Variants in FRMD6 observed in about 807,000 individuals in gnomAD.
The protein encoded by FRMD6 is FERM domain-containing protein 6.
FRMD6 carries 37 observed loss-of-function variants against 73.2 expected under a neutral mutation model. The observed-to-expected ratio is 0.51, with a 90% CI of 0.39 to 0.66. The LOEUF (loss-of-function observed/expected upper bound fraction) is 0.66, where lower values mean the gene tolerates loss of function less well. Ranked by LOEUF, FRMD6 falls within the 30% of genes least tolerant of loss-of-function variation. The pLI is 0.00. For missense variants in FRMD6, 714 were observed against 780.5 expected, an observed-to-expected ratio of 0.91 and a Z score of 1.02; for synonymous variants, 273 against 282.2, an observed-to-expected ratio of 0.97 and a Z score of 0.33.
chr14:51,687,907 C>G (rs145983562), intron 1 of FRMD6, among the ~76,000 whole-genome samples: 3 of 152,258 alleles, frequency 2.0e-5, no homozygotes, highest in Non-Finnish European at 4.4e-5. Flanking sequence ...TCTGCTCAGT[C>G]CCTTCCTTCT....
At position 51,690,606 on chromosome 14, in the gene FRMD6, G is replaced by A. The variant is rs138326665; in HGVS notation, c.99+671G>A. ...TCACCATATTGGCCAGGCTGGTCTC[G>A]AACTCCTGACCTCAGGTGATCCGCG... is the stretch of plus-strand genomic sequence containing the variant. On this transcript the variant is annotated intron_variant, in intron 2 of 13. Coordinates refer to ENST00000344768, the MANE Select transcript of FRMD6 (RefSeq NM_001267046.2). Among the ~76,000 whole-genome samples, 988 of 152,224 alleles carry A rather than the reference G, an allele frequency of 6.5e-3. 5 individuals are homozygous for A. Among genetic ancestry groups the A allele is most frequent in the Non-Finnish European group, 0.01 (683 of 68,018 alleles).
intron 1 of FRMD6, among the ~76,000 whole-genome samples, chr14:51,656,945 G>A (rs1052085589): frequency 7.2e-5 from 11 of 152,088 alleles, no homozygotes; most frequent in African/African-American, 2.7e-4. Flanking sequence ...CTTTGTACAT[G>A]TTTTATACAA....
intron 1 of FRMD6, among the ~76,000 whole-genome samples, chr14:51,679,520 G>C (rs1894648422): frequency 6.8e-6 from 1 of 147,196 alleles, no homozygotes; most frequent in African/African-American, 2.5e-5. Context: ...TGTTTGGAAA[G>C]ATTGTCTGTC....
the FRMD6 span, among the ~76,000 whole-genome samples, chr14:51,481,214 C>T: frequency 4.6e-5 from 7 of 151,948 alleles, no homozygotes; most frequent in East Asian, 1.9e-4. Context: ...GTTTTCATGC[C>T]GCTGATAAAG....
intron 1 of FRMD6, among the ~76,000 whole-genome samples, chr14:51,544,792 G>A (rs1886381198): frequency 6.6e-6 from 1 of 151,872 alleles, no homozygotes; most frequent in Admixed American, 6.6e-5. Flanking sequence ...AGTCAAGCCT[G>A]CATAAGGATG....
At chr14:51,700,980 A>G in intron 3 of FRMD6, 76 bp from the exon 4 acceptor site, 1 of 656,518 alleles carries the variant, frequency 1.5e-6, no homozygotes, top group South Asian at 2.9e-5. Context: ...TTTAAAAGAA[A>G]CTTGTTTCTT....
chr14:51,527,788 C>A lies in FRMD6; in HGVS notation c.-210+38368C>A, dbSNP rs1286685942. Among the ~76,000 whole-genome samples, 3 of 152,188 alleles carry A rather than the reference C, an allele frequency of 2.0e-5. No homozygotes were observed. The South Asian group carries it at 6.2e-4, about 32-fold the overall frequency. Reference sequence around the variant, plus strand: ...AAGGCTGCTGTACCTTTATGAGAGACAGATGGTGAGGCATACATTAACATG... The same window carrying A: ...AAGGCTGCTGTACCTTTATGAGAGAAAGATGGTGAGGCATACATTAACATG... On this transcript the variant is annotated intron_variant, in intron 1 of 14. Coordinates refer to the FRMD6 transcript ENST00000356218.
chr14:51,402,410 C>T, the FRMD6 span, among the ~76,000 whole-genome samples: 3 of 152,122 alleles, frequency 2.0e-5, no homozygotes, highest in Non-Finnish European at 2.9e-5. Context: ...GGGTCTTTCC[C>T]TTGCTGTTCT....
intron 2 of FRMD6, among the ~76,000 whole-genome samples, chr14:51,585,939 G>GTATATATATATATATATATA (rs3060587): frequency 6.4e-4 from 20 of 31,274 alleles, no homozygotes; most frequent in South Asian, 2.1e-3. Context: ...GTGTGTGTGT[G>GTATATATATATATATATATA]TATATATATA....
At chr14:51,609,572 G>A (rs1440507493) in intron 2 of FRMD6, among the ~76,000 whole-genome samples, 1 of 152,188 alleles carries the variant, frequency 6.6e-6, no homozygotes, top group East Asian at 1.9e-4. Context: ...CAAAGGAGGA[G>A]CAACATTCCT....
At chr14:51,579,396 C>A (rs1888586281) in intron 2 of FRMD6, 1 of 152,154 alleles carries the variant, frequency 6.6e-6, no homozygotes, top group South Asian at 2.1e-4. Context: ...CTGTGCTGAT[C>A]CCATGGCTGT....
chr14:51,712,584 T>C (rs894537752), intron 9 of FRMD6, 33 bp downstream of exon 9: 1 of 1,309,772 alleles, frequency 7.6e-7, no homozygotes, highest in African/African-American at 1.5e-5. Context: ...AAAAGAAAAG[T>C]CTCATTAATT....
intron 2 of FRMD6, among the ~76,000 whole-genome samples, chr14:51,646,509 G>GT (rs757550090): frequency 1.3e-5 from 2 of 151,750 alleles, no homozygotes; most frequent in African/African-American, 4.8e-5. Flanking sequence ...TTCTTCTTGC[G>GT]TATCCTAATG....
At chr14:51,507,787 G>T (rs1182610138) in intron 1 of FRMD6, among the ~76,000 whole-genome samples, 1 of 152,196 alleles carries the variant, frequency 6.6e-6, no homozygotes, top group Non-Finnish European at 1.5e-5. Context: ...CATTGCAGTG[G>T]TGACAATGCT....
intron 2 of FRMD6, among the ~76,000 whole-genome samples, chr14:51,693,722 C>T (rs1471733494): frequency 6.6e-6 from 1 of 152,100 alleles, no homozygotes; most frequent in Non-Finnish European, 1.5e-5. Context: ...TGTTAATAAA[C>T]CAAGATGAAG....
At chr14:51,529,167 A>C (rs1046881045) in intron 1 of FRMD6, among the ~76,000 whole-genome samples, 1 of 152,198 alleles carries the variant, frequency 6.6e-6, no homozygotes, top group South Asian at 2.1e-4. Context: ...TGGGGAAGAA[A>C]ACACTTTATA....
the FRMD6 span, among the ~76,000 whole-genome samples, chr14:51,412,673 A>G: frequency 6.6e-6 from 1 of 152,048 alleles, no homozygotes; most frequent in African/African-American, 2.4e-5. Context: ...AACATGGTGC[A>G]ACCCCATCTC....
the FRMD6 span, among the ~76,000 whole-genome samples, chr14:51,410,426 G>C: frequency 1.3e-5 from 2 of 152,138 alleles, no homozygotes; most frequent in South Asian, 4.1e-4. Flanking sequence ...CTTTCTTCTA[G>C]AAGGAAAAAT....
intron 1 of FRMD6, among the ~76,000 whole-genome samples, chr14:51,514,246 C>G (rs1884490107): frequency 6.6e-6 from 1 of 150,966 alleles, no homozygotes; most frequent in African/African-American, 2.4e-5. Context: ...CCTACCCCAG[C>G]ACATTTTTCA....
Sources: allele counts gnomAD v4.1 joint callset (sites outside exome capture counted in the v4.1 genomes callset), GRCh38; gene constraint gnomAD v4.1.1; transcripts MANE v1.5; gene names NCBI Gene and HGNC (gene_info 2026-07-23, HGNC 2026-07-21).